Variants in NRG1 observed in about 807,000 individuals in gnomAD.
The protein encoded by NRG1 is pro-neuregulin-1, membrane-bound isoform.
Under a neutral mutation model 63.8 loss-of-function variants are expected in NRG1, and 18 were observed. The observed-to-expected ratio is 0.28, with a 90% CI of 0.19 to 0.42. NRG1 has a LOEUF of 0.42. Among genes scored for constraint, NRG1 ranks in the 10% least tolerant of loss-of-function variants. NRG1 has a pLI of 1.00. For missense variants in NRG1, 762 were observed against 814.7 expected, an observed-to-expected ratio of 0.94 and a Z score of 0.79; for synonymous variants, 302 against 301.3, an observed-to-expected ratio of 1.00 and a Z score of -0.02.
chr8:32,239,906 C>G (rs887140714), intron 1 of NRG1, among the ~76,000 whole-genome samples: 2 of 152,040 alleles, frequency 1.3e-5, no homozygotes, highest in African/African-American at 4.8e-5. Flanking sequence ...AGTAATAATA[C>G]CAATTGCTGG....
At chr8:32,003,938 ATAT>A (rs1289123049) in intron 1 of NRG1, among the ~76,000 whole-genome samples, 2 of 151,940 alleles carry the variant, frequency 1.3e-5, no homozygotes, top group African/African-American at 4.8e-5. Context: ...AAAATATAAA[ATAT>A]TATTTAAATG....
chr8:32,463,454 A>G (rs959621214), intron 1 of NRG1, among the ~76,000 whole-genome samples: 2 of 152,190 alleles, frequency 1.3e-5, no homozygotes, highest in Non-Finnish European at 2.9e-5. Flanking sequence ...ACTCTCACCA[A>G]CACTTGTTAT....
intron 1 of NRG1, among the ~76,000 whole-genome samples, chr8:31,727,111 C>G (rs140283913): frequency 0.026 from 3,963 of 152,078 alleles, 72 homozygotes; most frequent in Middle Eastern, 0.051. Context: ...GGAGTGCCTA[C>G]TATGTATAGG....
At chr8:32,585,413 G>A (rs1376652882) in intron 1 of NRG1, among the ~76,000 whole-genome samples, 1 of 152,144 alleles carries the variant, frequency 6.6e-6, no homozygotes, top group Non-Finnish European at 1.5e-5. Flanking sequence ...GAATCAATTA[G>A]GCAGGCCTGC....
chr8:32,691,815 C>A (rs543923187), intron 5 of NRG1, among the ~76,000 whole-genome samples: 1 of 152,088 alleles, frequency 6.6e-6, no homozygotes. Context: ...TACTGAAATA[C>A]GTTAGCAGGA....
rs554850688 is a variant in NRG1, at chr8:31,951,994, C to T, written c.37+312563C>T. 2.6e-5 allele frequency among the ~76,000 whole-genome samples: 4 copies of T among 152,272 alleles called. 1 individual carries two copies. The highest frequency in any genetic ancestry group is 1.9e-4 in the East Asian group (1 of 5,180). On this transcript the variant is annotated intron_variant, in intron 1 of 10. Transcript: ENST00000519301. ...GAATCAGGATCTTTTAAATTTGGAACTCAGCAAGAAACCGACTGTCTTACT... is the reference window on the plus strand; with the variant it reads ...GAATCAGGATCTTTTAAATTTGGAATTCAGCAAGAAACCGACTGTCTTACT...
intron 5 of NRG1, among the ~76,000 whole-genome samples, chr8:32,687,997 A>C (rs1159069589): frequency 6.6e-6 from 1 of 152,122 alleles, no homozygotes; most frequent in Non-Finnish European, 1.5e-5. Flanking sequence ...ATTACAATTC[A>C]ACATGAGATT....
chr8:31,980,287 A>C (rs1044135675), intron 1 of NRG1, among the ~76,000 whole-genome samples: 6 of 151,956 alleles, frequency 3.9e-5, no homozygotes, highest in African/African-American at 1.4e-4. Flanking sequence ...AATGTCCTTT[A>C]GTCTCTGGTG....
intron 1 of NRG1, among the ~76,000 whole-genome samples, chr8:32,036,855 C>G (rs1819154374): frequency 6.6e-6 from 1 of 152,272 alleles, no homozygotes; most frequent in South Asian, 2.1e-4. Context: ...TGGTTCTTAG[C>G]TTCTTTGCAA....
intron 5 of NRG1, among the ~76,000 whole-genome samples, chr8:32,624,062 A>G (rs1848774774): frequency 6.6e-6 from 1 of 152,158 alleles, no homozygotes; most frequent in Non-Finnish European, 1.5e-5. Flanking sequence ...TGAGTCATTT[A>G]TTTATACAAC....
intron 1 of NRG1, among the ~76,000 whole-genome samples, chr8:31,752,761 A>G (rs184602356): frequency 4.6e-5 from 7 of 152,120 alleles, no homozygotes; most frequent in Admixed American, 4.6e-4. Context: ...GAATAGGGAG[A>G]GGAGCACGAG....
At chr8:32,407,987 G>T (rs1364045728) in intron 1 of NRG1, among the ~76,000 whole-genome samples, 2 of 152,158 alleles carry the variant, frequency 1.3e-5, no homozygotes, top group Admixed American at 1.3e-4. Flanking sequence ...GAGTCATCCT[G>T]CTGCATTTCC....
intron 1 of NRG1, among the ~76,000 whole-genome samples, chr8:32,363,361 T>C (rs1395708211): frequency 6.6e-6 from 1 of 152,188 alleles, no homozygotes; most frequent in Non-Finnish European, 1.5e-5. Flanking sequence ...CATCAGTCAG[T>C]ACACAGATAC....
intron 1 of NRG1, among the ~76,000 whole-genome samples, chr8:31,780,847 T>C (rs747628807): frequency 6.6e-6 from 1 of 152,186 alleles, no homozygotes; most frequent in Non-Finnish European, 1.5e-5. Flanking sequence ...GAGGTATGCA[T>C]CTTTGAATAA....
chr8:32,576,311 T>C (rs1839622977), intron 1 of NRG1, among the ~76,000 whole-genome samples: 1 of 152,214 alleles, frequency 6.6e-6, no homozygotes, highest in South Asian at 2.1e-4. Flanking sequence ...TGATTCTCTT[T>C]CCCTCATTTT....
At chr8:31,947,376 G>A (rs546303226) in intron 1 of NRG1, among the ~76,000 whole-genome samples, 14 of 150,616 alleles carry the variant, frequency 9.3e-5, no homozygotes, top group Non-Finnish European at 1.5e-4. Context: ...CCAATCTTTA[G>A]CTATGCTGTT....
At chr8:32,010,160 C>G (rs942552400) in intron 1 of NRG1, among the ~76,000 whole-genome samples, 2 of 151,970 alleles carry the variant, frequency 1.3e-5, no homozygotes, top group Non-Finnish European at 2.9e-5. Flanking sequence ...ACTTCATACC[C>G]CAAATTAGGT....
chr8:32,353,420 G>A (rs1805904055), intron 1 of NRG1, among the ~76,000 whole-genome samples: 1 of 151,696 alleles, frequency 6.6e-6, no homozygotes, highest in African/African-American at 2.4e-5. Context: ...TTTTATAGTT[G>A]TAATATTTTG....
intron 5 of NRG1, among the ~76,000 whole-genome samples, chr8:32,720,820 A>G (rs1265565370): frequency 2.0e-5 from 3 of 152,148 alleles, no homozygotes; most frequent in Admixed American, 6.5e-5. Flanking sequence ...CAGAAAAAAA[A>G]CAGCAACTTG....
Sources: allele counts gnomAD v4.1 joint callset (sites outside exome capture counted in the v4.1 genomes callset), GRCh38; gene constraint gnomAD v4.1.1; transcripts MANE v1.5; gene names NCBI Gene and HGNC (gene_info 2026-07-23, HGNC 2026-07-21).